The following PRKN variants were observed in gnomAD, a reference collection of about 807,000 sequenced individuals.
PRKN encodes E3 ubiquitin-protein ligase parkin.
Under a neutral mutation model 59.5 loss-of-function variants are expected in PRKN, and 56 were observed. The observed-to-expected ratio is 0.94, with a 90% CI of 0.76 to 1.18. PRKN has a LOEUF of 1.18. Ranked by LOEUF, PRKN falls within the 50% of genes most tolerant of loss-of-function variation. PRKN has a pLI of 0.00. For missense variants in PRKN, 657 were observed against 596.4 expected, an observed-to-expected ratio of 1.10 and a Z score of -1.06; for synonymous variants, 250 against 222.1, an observed-to-expected ratio of 1.13 and a Z score of -1.12.
chr6:162,132,815 T>A (rs112564469), intron 4 of PRKN, among the ~76,000 whole-genome samples: 1 of 152,172 alleles, frequency 6.6e-6, no homozygotes, highest in African/African-American at 2.4e-5. Flanking sequence ...TGGCGGGTTA[T>A]AAGAGGGTGG....
chr6:162,151,824 G>C (rs990165414), intron 4 of PRKN, among the ~76,000 whole-genome samples: 20 of 152,104 alleles, frequency 1.3e-4, no homozygotes, highest in Non-Finnish European at 4.4e-5. Context: ...TTCACATAGG[G>C]TAAGAAATCT....
intron 9 of PRKN, among the ~76,000 whole-genome samples, chr6:161,431,529 T>A (rs916657436): frequency 6.6e-6 from 1 of 152,156 alleles, no homozygotes. Flanking sequence ...ATTTTCCACC[T>A]CTTATTAACA....
chr6:162,359,079 A>AAAAT (rs57265104), intron 2 of PRKN, among the ~76,000 whole-genome samples: 33 of 83,240 alleles, frequency 4.0e-4, no homozygotes, highest in African/African-American at 1.9e-3. Context: ...AAAAAAAAAA[A>AAAAT]ATATATATAT....
chr6:162,609,544 A>AT (rs1412076737), intron 1 of PRKN, among the ~76,000 whole-genome samples: 4 of 152,184 alleles, frequency 2.6e-5, no homozygotes, highest in Non-Finnish European at 4.4e-5. Flanking sequence ...ACTAACACTG[A>AT]TATCAAATTG....
chr6:162,503,887 A>G (rs906610213), intron 1 of PRKN, among the ~76,000 whole-genome samples: 20 of 152,212 alleles, frequency 1.3e-4, no homozygotes, highest in African/African-American at 4.3e-4. Flanking sequence ...ATTCTAAGTC[A>G]GATTACAAAG....
intron 2 of PRKN, among the ~76,000 whole-genome samples, chr6:162,339,897 G>T (rs1344510084): frequency 3.4e-5 from 5 of 147,112 alleles, no homozygotes; most frequent in Admixed American, 6.8e-5. Flanking sequence ...ATGGATTAAG[G>T]GCGGTGCAAG....
intron 1 of PRKN, among the ~76,000 whole-genome samples, chr6:162,601,103 G>T (rs1781690039): frequency 6.6e-6 from 1 of 152,144 alleles, no homozygotes; most frequent in Non-Finnish European, 1.5e-5. Context: ...AACGGCACCT[G>T]GTGAGGGCCT....
intron 7 of PRKN, among the ~76,000 whole-genome samples, chr6:161,746,586 T>TATAC (rs1554299961): frequency 1.4e-5 from 2 of 146,074 alleles, no homozygotes; most frequent in African/African-American, 5.0e-5. Flanking sequence ...TATATATATA[T>TATAC]ACACACACAC....
At chr6:161,966,023 C>G (rs1231044248) in intron 6 of PRKN, among the ~76,000 whole-genome samples, 1 of 151,978 alleles carries the variant, frequency 6.6e-6, no homozygotes, top group Non-Finnish European at 1.5e-5. Context: ...AAATATCTAG[C>G]TAGCTATAAA....
chr6:162,126,284 C>A (rs565857193), intron 4 of PRKN, among the ~76,000 whole-genome samples: 272 of 152,222 alleles, frequency 1.8e-3, no homozygotes, highest in Middle Eastern at 3.4e-3. Context: ...GCTATCAGGG[C>A]TTAGCCAGTG....
intron 6 of PRKN, among the ~76,000 whole-genome samples, chr6:161,840,294 C>T (rs1792930123): frequency 6.6e-6 from 1 of 152,166 alleles, no homozygotes; most frequent in Non-Finnish European, 1.5e-5. Flanking sequence ...TTGTGGGGCC[C>T]TGCGTGTTTG....
At chr6:161,512,300 C>T (rs145295014) in intron 9 of PRKN, among the ~76,000 whole-genome samples, 11 of 104,908 alleles carry the variant, frequency 1.0e-4, no homozygotes, top group Non-Finnish European at 2.7e-4. Context: ...TGACCCCCCC[C>T]TGAAAATCAA....
rs902436659 is a variant in PRKN, at chr6:161,349,456, G to T, written c.*643C>A. 4.3e-6 allele frequency: 1 copy of T among 231,948 alleles called. No homozygotes were observed. The highest frequency in any genetic ancestry group is 8.5e-6 in the Non-Finnish European group (1 of 117,416). The allele number at this position is 231,948 out of a possible 1,614,324, so 14.4% of individuals were successfully genotyped here. A position where few individuals can be genotyped will look rare whatever the true frequency, so the allele number is the denominator to read the frequency against. On this transcript the variant is annotated 3_prime_UTR_variant, in exon 12 of 12. Coordinates refer to ENST00000366898, the MANE Select transcript of PRKN (RefSeq NM_004562.3). This position sits in a 1 kb window ranked among gnomAD's most constrained non-coding sequence, Gnocchi z 5.5. ...TGACAAGTTGATTTACGCATAGTTG[G>T]TATTTCATTAATGCGATTTATATAG...
intron 1 of PRKN, among the ~76,000 whole-genome samples, chr6:162,684,633 A>G (rs1390684311): frequency 6.6e-6 from 1 of 152,144 alleles, no homozygotes; most frequent in Non-Finnish European, 1.5e-5. Flanking sequence ...TATCTACAAA[A>G]TAGAGACACT....
Position 161,576,780 on chromosome 6 carries a change from C to T in PRKN, c.872-7364G>A, listed in dbSNP as rs1282633131. On this transcript the variant is annotated intron_variant, in intron 7 of 11. Coordinates refer to ENST00000366898, the MANE Select transcript of PRKN (RefSeq NM_004562.3). The surrounding 1 kb of genome is among the most constrained non-coding windows in gnomAD (Gnocchi z 4.6). The stretch of plus-strand genomic sequence containing the variant: ...CTAACGTAAAAGTAAGTGTTCATTT[C>T]TTATTGAGACCATGACACTGAAGCA... 4.6e-5 allele frequency among the ~76,000 whole-genome samples: 7 copies of T among 152,182 alleles called. No homozygotes were observed. The highest frequency in any genetic ancestry group is 1.3e-4 in the Admixed American group (2 of 15,274).
chr6:161,733,770 G>GAA (rs71544915), intron 7 of PRKN, among the ~76,000 whole-genome samples: 2,581 of 102,096 alleles, frequency 0.025, 62 homozygotes, highest in African/African-American at 0.062. Flanking sequence ...CCCAGGGGGT[G>GAA]AAAAAAAAAA....
rs564389958 is a variant in PRKN at position 161,758,326 on chromosome 6, C to T, written c.871+27446G>A. Reference sequence around the variant, plus strand: ...GCCTGGCAACTGGAAACAAGCCCAGCATTCATCAGCAGTGGAAAGGATAAG... The same window carrying T: ...GCCTGGCAACTGGAAACAAGCCCAGTATTCATCAGCAGTGGAAAGGATAAG... On this transcript the variant is annotated intron_variant, in intron 7 of 11. Transcript: ENST00000366898. 2.7e-3 allele frequency among the ~76,000 whole-genome samples: 404 copies of T among 152,056 alleles called. 1 individual carries two copies. Among genetic ancestry groups the T allele is most frequent in the African/African-American group, 9.4e-3 (390 of 41,486 alleles).
intron 6 of PRKN, among the ~76,000 whole-genome samples, chr6:161,964,171 T>C (rs554649360): frequency 1.7e-4 from 26 of 152,094 alleles, no homozygotes; most frequent in Non-Finnish European, 3.4e-4. Flanking sequence ...GGTTTGTAGA[T>C]TGGTTTAACC....
At chr6:161,899,612 C>A (rs1210971906) in intron 6 of PRKN, among the ~76,000 whole-genome samples, 2 of 152,210 alleles carry the variant, frequency 1.3e-5, no homozygotes, top group Non-Finnish European at 2.9e-5. Context: ...ATATTTCCCA[C>A]TGCCTGGCTC....
Sources: gnomAD v4.1 joint callset for allele counts (sites outside exome capture counted in the v4.1 genomes callset) on GRCh38, gnomAD v4.1.1 for gene constraint, Gnocchi (gnomAD v3.1) non-coding constraint, MANE v1.5 for transcripts, NCBI Gene and HGNC (gene_info 2026-07-23, HGNC 2026-07-21) for gene names.